Variants in CPLANE1 observed in about 807,000 individuals in gnomAD.
CPLANE1 encodes ciliogenesis and planar polarity effector 1.
CPLANE1 carries 263 observed loss-of-function variants against 362.5 expected under a neutral mutation model. That is an observed-to-expected ratio of 0.73 (90% confidence interval 0.66 to 0.80). The LOEUF (loss-of-function observed/expected upper bound fraction) is 0.80. Among genes scored for constraint, CPLANE1 ranks in the 30% least tolerant of loss-of-function variants. CPLANE1 has a pLI of 0.00. For synonymous variants in CPLANE1, 1,212 were observed against 1,302.6 expected, an observed-to-expected ratio of 0.93 and a Z score of 1.50; for missense variants, 3,461 against 3,793.4, an observed-to-expected ratio of 0.91 and a Z score of 2.30.
intron 15 of CPLANE1, among the ~76,000 whole-genome samples, chr5:37,214,740 G>A (rs923802662): frequency 6.6e-6 from 1 of 152,174 alleles, no homozygotes; most frequent in African/African-American, 2.4e-5. Context: ...CTAGTAAAGT[G>A]CACATGGCAA....
chr5:37,222,936 G>A (rs1208680722), intron 14 of CPLANE1, among the ~76,000 whole-genome samples: 1 of 152,192 alleles, frequency 6.6e-6, no homozygotes, highest in Non-Finnish European at 1.5e-5. Flanking sequence ...GTACCAAAGT[G>A]ATCTTTCTAA....
chr5:37,214,466 T>C (rs1348451819), intron 15 of CPLANE1, among the ~76,000 whole-genome samples: 7 of 152,054 alleles, frequency 4.6e-5, no homozygotes, highest in East Asian at 1.9e-4. Context: ...CAGAGCTAGA[T>C]AGACCCTGAC....
intron 18 of CPLANE1, among the ~76,000 whole-genome samples, chr5:37,203,064 C>A (rs542396450): frequency 1.3e-5 from 2 of 152,002 alleles, no homozygotes; most frequent in Non-Finnish European, 2.9e-5. Flanking sequence ...GTTTTTAAAT[C>A]AGGTTGAGAC....
In CPLANE1 at chr5:37,169,436, G is replaced by C. The variant is rs1314812309; in HGVS notation, c.6588C>G (p.His2196Gln). The C allele has an allele frequency of 1.2e-6, 2 of 1,614,198 alleles. No homozygotes were observed. Among genetic ancestry groups the C allele is most frequent in the Admixed American group, 3.3e-5 (2 of 60,028 alleles). Residue 2196 changes from histidine to glutamine, a missense_variant, in exon 34 of 53, where the codon CAC (histidine) becomes CAG (glutamine). Physicochemically the swap from His to Gln is conservative, Grantham distance 24. This residue lies in a region of CPLANE1 where 3,380 missense variants were observed against 3,666.1 expected (regional missense o/e 0.92). Transcript: ENST00000651892. ...CAGAAGGTGTGGACAAAAGGTAGAGGTGAGTATTTCCAGCAGGAGCTGGAT... is the reference window on the plus strand; with the variant it reads ...CAGAAGGTGTGGACAAAAGGTAGAGCTGAGTATTTCCAGCAGGAGCTGGAT... ...SFYPAPAGNT[H>Q]LYLLSTPSVV...
chr5:37,127,092 G>A (rs950520152), intron 46 of CPLANE1, among the ~76,000 whole-genome samples: 1 of 152,204 alleles, frequency 6.6e-6, no homozygotes, highest in African/African-American at 2.4e-5. Flanking sequence ...GTTACTGGAG[G>A]AATTAAGTGC....
chr5:37,173,070 A>G (rs931336174), intron 32 of CPLANE1, among the ~76,000 whole-genome samples: 2 of 152,226 alleles, frequency 1.3e-5, no homozygotes, highest in Non-Finnish European at 2.9e-5. Context: ...TACATCACAT[A>G]AAAGGATATG....
rs530026342 is a variant in CPLANE1 at position 37,184,942 on chromosome 5, C to T, written c.4327G>A (p.Asp1443Asn). ...TATCTGTCAACACCTGGAGCCTCAT[C>T]TGGTTTCTCTTCTTCAATTGGTTCC... ...IWEPIEEEKP[D>N]EAPGVDRYSL... The change falls in exon 25 of 53, where the codon GAT (aspartate) becomes AAT (asparagine). Residue 1443 changes from aspartate (D) to asparagine (N), a missense_variant. Physicochemically the swap from Asp to Asn is conservative, Grantham distance 23 (BLOSUM62 1). This residue lies in a region of CPLANE1 where 3,380 missense variants were observed against 3,666.1 expected (regional missense o/e 0.92). Transcript: ENST00000651892. 3 of 1,614,126 alleles carry T rather than the reference C, an allele frequency of 1.9e-6. No homozygotes were observed. Among genetic ancestry groups the T allele is most frequent in the Non-Finnish European group, 2.5e-6 (3 of 1,179,980 alleles).
intron 49 of CPLANE1, among the ~76,000 whole-genome samples, chr5:37,120,700 C>T (rs1413959957): frequency 6.6e-6 from 1 of 152,146 alleles, no homozygotes; most frequent in African/African-American, 2.4e-5. Flanking sequence ...TATCTCATAC[C>T]TCAAACCTCA....
intron 19 of CPLANE1, among the ~76,000 whole-genome samples, chr5:37,200,755 A>G (rs1231412936): frequency 6.6e-6 from 1 of 152,166 alleles, no homozygotes; most frequent in Non-Finnish European, 1.5e-5. Flanking sequence ...TAGTATTTAT[A>G]ATATAGAACT....
chr5:37,141,895 G>C (rs939098564), intron 44 of CPLANE1: 2 of 675,900 alleles, frequency 3.0e-6, no homozygotes, highest in Non-Finnish European at 3.7e-6. Context: ...TCATAGATCA[G>C]GCTTAAACCA....
At chr5:37,084,905 G>A in the CPLANE1 span, among the ~76,000 whole-genome samples, 385 of 152,188 alleles carry the variant, frequency 2.5e-3, no homozygotes, top group Non-Finnish European at 4.7e-3. Flanking sequence ...TTAAGGTAAA[G>A]GGGTGGAAAA....
intron 8 of CPLANE1, among the ~76,000 whole-genome samples, chr5:37,233,053 C>T (rs1043974795): frequency 3.3e-5 from 5 of 152,128 alleles, no homozygotes; most frequent in African/African-American, 4.8e-5. Flanking sequence ...GCTTTCATAA[C>T]CTCTGAGTGG....
intron 31 of CPLANE1, 57 bp from the exon 32 acceptor site, chr5:37,174,004 G>T: frequency 7.4e-7 from 1 of 1,354,930 alleles, no homozygotes; most frequent in Non-Finnish European, 1.0e-6. Flanking sequence ...AAAACAAATT[G>T]AATGTCTATG....
chr5:37,187,546 AC>A lies in CPLANE1; in HGVS notation c.3947del (p.Cys1316LeufsTer2). The A allele has an allele frequency of 6.2e-7, 1 of 1,607,726 alleles. No individual in the cohort carries two copies. The highest frequency in any genetic ancestry group is 8.5e-7 in the Non-Finnish European group (1 of 1,178,446). The stretch of plus-strand genomic sequence containing the variant: ...CTGCACTAAGACAGTGCTCAATCAT[AC>A]AAGAATCAAACTCCACTTCAAGGTC... ...EKDLEVEFDSCMIEHCLSAVE... is the reference protein window; with the variant it reads ...EKDLEVEFDSXMIEHCLSAVE... On this transcript the variant is annotated frameshift_variant, in exon 23 of 53. Coordinates refer to ENST00000651892, the MANE Select transcript of CPLANE1 (RefSeq NM_001384732.1).
rs1262456840 is a variant in CPLANE1 at position 37,173,955 on chromosome 5, G to A, written c.5979-8C>T. The A allele has an allele frequency of 2.5e-6, 4 of 1,603,388 alleles. No individual in the cohort carries two copies. Among genetic ancestry groups the A allele is most frequent in the South Asian group, 2.2e-5 (2 of 89,964 alleles). On this transcript the variant is annotated splice_polypyrimidine_tract_variant and splice_region_variant and intron_variant, in intron 31 of 52. Coordinates refer to ENST00000651892, the MANE Select transcript of CPLANE1 (RefSeq NM_001384732.1). ...TATGTAGAAATCTGTGCACTGCGTG[G>A]AAAGCATTTAAATAAAAAACATGCA...
chr5:37,106,040 G>A (rs1189246713), downstream of CPLANE1, among the ~76,000 whole-genome samples: 1 of 152,000 alleles, frequency 6.6e-6, no homozygotes, highest in African/African-American at 2.4e-5. Context: ...AGCAAAAGAT[G>A]GAAAATAAAT....
At chr5:37,136,779 C>T (rs924527122) in intron 46 of CPLANE1, among the ~76,000 whole-genome samples, 10 of 152,244 alleles carry the variant, frequency 6.6e-5, no homozygotes, top group Non-Finnish European at 1.2e-4. Flanking sequence ...TTAGGGCTTA[C>T]ACCTTCTGAA....
intron 46 of CPLANE1, among the ~76,000 whole-genome samples, chr5:37,128,635 G>GA (rs755524020): frequency 6.6e-6 from 1 of 152,102 alleles, no homozygotes; most frequent in Non-Finnish European, 1.5e-5. Context: ...GAGATGGGTG[G>GA]ATCACCTGAG....
chr5:37,239,910 AACTTTT>A, intron 6 of CPLANE1, 41 bp from the exon 7 acceptor site: 1 of 1,366,336 alleles, frequency 7.3e-7, no homozygotes, highest in African/African-American at 1.5e-5. Context: ...AAGGTATAGT[AACTTTT>A]AAATTTATAT....
Sources: allele counts gnomAD v4.1 joint callset (sites outside exome capture counted in the v4.1 genomes callset), GRCh38; gene constraint gnomAD v4.1.1; regional missense constraint gnomAD v4.1.1; transcripts MANE v1.5; gene names NCBI Gene and HGNC (gene_info 2026-07-23, HGNC 2026-07-21).